AFDN: variants seen among roughly 807,000 people sequenced by gnomAD.
AFDN encodes the protein afadin, adherens junction formation factor.
A neutral mutation model predicts 216.6 loss-of-function variants in AFDN; 68 were observed. The ratio of observed to expected loss-of-function variants is 0.31; its 90% confidence interval spans 0.26 to 0.38. The LOEUF is 0.38. Among genes scored for constraint, AFDN ranks in the 10% least tolerant of loss-of-function variants. AFDN has a pLI of 1.00. For missense variants in AFDN, 2,136 were observed against 2,342.0 expected, an observed-to-expected ratio of 0.91 and a Z score of 1.82; for synonymous variants, 868 against 853.7, an observed-to-expected ratio of 1.02 and a Z score of -0.29.
At chr6:167,827,344 C>T (rs1466926578) in intron 1 of AFDN, 107 bp downstream of exon 1, 7 of 114,556 alleles carry the variant, frequency 6.1e-5, no homozygotes, top group Non-Finnish European at 8.3e-5. Flanking sequence ...CTCCTTTCCC[C>T]CTCCCCCCTC....
At chr6:167,914,372 T>C in intron 17 of AFDN, 59 bp downstream of exon 17, 1 of 1,565,828 alleles carries the variant, frequency 6.4e-7, no homozygotes, top group Middle Eastern at 1.7e-4. Flanking sequence ...TTTGTTTTCT[T>C]ATTCAGTTTT....
At chr6:167,903,956 G>T (rs1789318209) in intron 12 of AFDN, among the ~76,000 whole-genome samples, 1 of 152,144 alleles carries the variant, frequency 6.6e-6, no homozygotes, top group Non-Finnish European at 1.5e-5. Context: ...TTGGCTTCTA[G>T]GGTATATTAC....
intron 1 of AFDN, among the ~76,000 whole-genome samples, chr6:167,834,462 T>TG (rs1780187145): frequency 7.0e-6 from 1 of 142,234 alleles, no homozygotes; most frequent in African/African-American, 2.7e-5. Flanking sequence ...TTTCGGTTTT[T>TG]TTTTTTTTTT....
intron 5 of AFDN, among the ~76,000 whole-genome samples, chr6:167,875,771 C>T (rs1386158964): frequency 2.6e-5 from 4 of 151,462 alleles, no homozygotes; most frequent in Non-Finnish European, 5.9e-5. Context: ...GAGAAAGATA[C>T]AATAAACTCC....
intron 32 of AFDN, chr6:167,966,370 A>C: frequency 9.0e-7 from 1 of 1,111,542 alleles, no homozygotes; most frequent in Non-Finnish European, 1.2e-6. Context: ...CATGGCGATC[A>C]TACTTGCCTT....
chr6:167,906,210 G>A (rs1789666973), intron 12 of AFDN, among the ~76,000 whole-genome samples: 1 of 152,168 alleles, frequency 6.6e-6, no homozygotes, highest in African/African-American at 2.4e-5. Context: ...CATTTTAAAT[G>A]ATGTAATAAA....
rs1583385806 is a variant in AFDN, at chr6:167,913,419, A to G, written c.2054A>G (p.Asp685Gly). Residue 685 changes from aspartate (D) to glycine (G), a missense_variant, in exon 16 of 34, where the codon GAC becomes GGC. Asp to Gly is a moderately conservative substitution (Grantham distance 94). Transcript: ENST00000683244. ...TTTCTCCAGGAAGTAGACCAGGTTG[A>G]CCAGGTAGGACATCTGCTGGGAGCT... Reference protein sequence around the residue: ...EGVIQEVDQVDQKQKNIAGAL... With the variant: ...EGVIQEVDQVGQKQKNIAGAL... 6.5e-7 allele frequency: 1 copy of G among 1,535,914 alleles called. No homozygotes were observed.
At chr6:167,916,856 A>G (rs1791139716) in intron 19 of AFDN, among the ~76,000 whole-genome samples, 1 of 152,214 alleles carries the variant, frequency 6.6e-6, no homozygotes, top group Admixed American at 6.5e-5. Context: ...ATCTAATTAT[A>G]CATGCACGTC....
intron 1 of AFDN, among the ~76,000 whole-genome samples, chr6:167,860,410 G>T (rs1783426529): frequency 6.6e-6 from 1 of 152,088 alleles, no homozygotes; most frequent in Non-Finnish European, 1.5e-5. Context: ...CATTGTATTG[G>T]ATCCTGAGGG....
At position 167,963,330 on chromosome 6, in the gene AFDN, C is replaced by T. The variant is rs573606285; in HGVS notation, c.4968+763C>T. 1.1e-5 allele frequency: 12 copies of T among 1,061,356 alleles called. No individual in the cohort carries two copies. In the South Asian group the frequency reaches 4.6e-4, roughly 40 times the overall value. The allele number at this position is 1,061,356 out of a possible 1,614,324, so 65.7% of individuals were successfully genotyped here. A position where few individuals can be genotyped will look rare whatever the true frequency, so the allele number is the denominator to read the frequency against. The stretch of plus-strand genomic sequence containing the variant: ...CATCCCGAGGGGACTGCGTGTTGCT[C>T]TGTGTGGTTTGAGAGAAGCTGCTCT... On this transcript the variant is annotated intron_variant, in intron 31 of 33. Transcript: ENST00000683244.
rs377617992 is a variant in AFDN, at chr6:167,965,849, G to C, written c.5061G>C (p.Ala1687=). ...EAARRLLEPE[A]PGLCRPPLPR... ...CGCGCAGGTTGCTGGAGCCCGAGGC[G>C]CCCGGTCTGTGCCGCCCTCCGCTTC... Residue 1687 remains alanine, a synonymous_variant, in exon 32 of 34, where the codon GCG becomes GCC. Coordinates refer to ENST00000683244, the MANE Select transcript of AFDN (RefSeq NM_001386888.1). 7,255 of 1,549,742 alleles carry C rather than the reference G, an allele frequency of 4.7e-3. 34 individuals carry two copies. The highest frequency in any genetic ancestry group is 5.6e-3 in the Middle Eastern group (33 of 5,884).
chr6:167,882,505 G>A (rs1009475329), intron 6 of AFDN, among the ~76,000 whole-genome samples: 1 of 149,590 alleles, frequency 6.7e-6, no homozygotes, highest in Non-Finnish European at 1.5e-5. Flanking sequence ...AAAAAAATGA[G>A]CTGGGCATGG....
At position 167,915,156 on chromosome 6, in the gene AFDN, C is replaced by G; in HGVS notation, c.2300-12C>G. ...ATTTTGCTCCTCTTGTCCTCTCACC[C>G]TGTCTGGGCAGATGATGTGCTGCAC... is the stretch of plus-strand genomic sequence containing the variant. On this transcript the variant is annotated splice_polypyrimidine_tract_variant and intron_variant, in intron 18 of 33. Transcript: ENST00000683244. 6.2e-7 allele frequency: 1 copy of G among 1,613,288 alleles called. No homozygotes were observed. The highest frequency in any genetic ancestry group is 1.1e-5 in the South Asian group (1 of 90,974).
intron 20 of AFDN, among the ~76,000 whole-genome samples, chr6:167,918,274 A>G (rs1324826556): frequency 6.6e-6 from 1 of 152,234 alleles, no homozygotes; most frequent in African/African-American, 2.4e-5. Flanking sequence ...ATATTGATAT[A>G]TTTCCAAACT....
At chr6:167,870,825 A>T (rs1435747491) in intron 3 of AFDN, among the ~76,000 whole-genome samples, 38 of 152,194 alleles carry the variant, frequency 2.5e-4, no homozygotes, top group Admixed American at 2.5e-3. Flanking sequence ...AATAAGGATC[A>T]AAAGGGAAAA....
chr6:167,963,002 G>A, intron 31 of AFDN: 1 of 1,085,200 alleles, frequency 9.2e-7, no homozygotes. Flanking sequence ...TCAAATAGAT[G>A]GTTTACTCAA....
At chr6:167,966,419 T>C in intron 32 of AFDN, 1 of 614,882 alleles carries the variant, frequency 1.6e-6, no homozygotes, top group Non-Finnish European at 2.4e-6. Flanking sequence ...CTCGGCATGG[T>C]GATCCTCCTC....
At chr6:167,926,555 C>T (rs566953960) in intron 23 of AFDN, among the ~76,000 whole-genome samples, 2 of 152,328 alleles carry the variant, frequency 1.3e-5, no homozygotes, top group African/African-American at 4.8e-5. Context: ...CCTCAGCCTC[C>T]CAAGTAGCTA....
intron 1 of AFDN, among the ~76,000 whole-genome samples, chr6:167,850,952 A>C (rs1463365930): frequency 6.6e-6 from 1 of 152,042 alleles, no homozygotes; most frequent in Non-Finnish European, 1.5e-5. Context: ...GGCTCATTGC[A>C]ACCTCTGCCT....
Sources: allele counts gnomAD v4.1 joint callset (sites outside exome capture counted in the v4.1 genomes callset), GRCh38; gene constraint gnomAD v4.1.1; transcripts MANE v1.5; gene names NCBI Gene and HGNC (gene_info 2026-07-23, HGNC 2026-07-21).